The following EPM2A variants were observed in gnomAD, a reference collection of about 807,000 sequenced individuals.
EPM2A encodes the protein laforin.
In EPM2A, 21 loss-of-function variants were observed where a neutral mutation model predicts 26.5. That is an observed-to-expected ratio of 0.79 (90% CI 0.56 to 1.14). The LOEUF (loss-of-function observed/expected upper bound fraction) is 1.14. Ranked by LOEUF, EPM2A falls within the 50% of genes most tolerant of loss-of-function variation. The pLI, the probability that EPM2A is intolerant of heterozygous loss-of-function variation, is 0.00. For synonymous variants in EPM2A, 217 were observed against 177.6 expected, an observed-to-expected ratio of 1.22 and a Z score of -1.76; for missense variants, 458 against 440.8, an observed-to-expected ratio of 1.04 and a Z score of -0.35.
At chr6:145,392,102 T>C (rs553036821) in intron 4 of EPM2A, among the ~76,000 whole-genome samples, 135 of 152,310 alleles carry the variant, frequency 8.9e-4, no homozygotes, top group African/African-American at 3.1e-3. Context: ...TTTGAGATCC[T>C]GACTAAAGCT....
intron 4 of EPM2A, among the ~76,000 whole-genome samples, chr6:145,406,470 G>T (rs953872777): frequency 6.6e-6 from 1 of 152,226 alleles, no homozygotes; most frequent in African/African-American, 2.4e-5. Context: ...TAACAATTAC[G>T]TGTGAAAGTG....
At chr6:145,490,435 T>C (rs1779739554) in intron 4 of EPM2A, 1 of 752,508 alleles carries the variant, frequency 1.3e-6, no homozygotes, top group African/African-American at 1.7e-5. Flanking sequence ...TTCATGACAA[T>C]TTGGACATTC....
At chr6:145,537,511 T>G (rs1302168079) in intron 2 of EPM2A, among the ~76,000 whole-genome samples, 1 of 152,066 alleles carries the variant, frequency 6.6e-6, no homozygotes, top group Non-Finnish European at 1.5e-5. Flanking sequence ...TGTTATATAC[T>G]TCTTGGTTAT....
intron 4 of EPM2A, among the ~76,000 whole-genome samples, chr6:145,422,872 T>C (rs1313695896): frequency 1.3e-5 from 2 of 152,154 alleles, no homozygotes; most frequent in Admixed American, 6.6e-5. Flanking sequence ...TTGTTTTTAA[T>C]ATTTAATCAC....
At chr6:145,720,104 A>G (rs1775871881) in intron 1 of EPM2A, among the ~76,000 whole-genome samples, 1 of 152,192 alleles carries the variant, frequency 6.6e-6, no homozygotes, top group African/African-American at 2.4e-5. Context: ...CTAAGAGATA[A>G]TAAAACTTCT....
At chr6:145,420,855 A>AAGAG (rs34604534) in intron 4 of EPM2A, among the ~76,000 whole-genome samples, 92 of 150,606 alleles carry the variant, frequency 6.1e-4, no homozygotes, top group African/African-American at 2.2e-3. Flanking sequence ...GAGAGATAGA[A>AAGAG]AGAGAGAGAG....
At chr6:145,648,153 A>T (rs1582962697) in intron 2 of EPM2A, among the ~76,000 whole-genome samples, 1 of 152,212 alleles carries the variant, frequency 6.6e-6, no homozygotes, top group East Asian at 1.9e-4. Flanking sequence ...TCTTCTGTTA[A>T]AAATGATTAT....
chr6:145,491,457 C>T (rs1779754078), intron 4 of EPM2A, among the ~76,000 whole-genome samples: 1 of 152,160 alleles, frequency 6.6e-6, no homozygotes. Flanking sequence ...TAAAGCAACA[C>T]CATCAAGCCG....
chr6:145,516,313 T>C (rs1375546468), intron 2 of EPM2A, among the ~76,000 whole-genome samples: 1 of 152,158 alleles, frequency 6.6e-6, no homozygotes, highest in Non-Finnish European at 1.5e-5. Context: ...AAATAATTTC[T>C]AGGAAAGAAA....
chr6:145,641,678 T>G (rs1052546395), intron 2 of EPM2A, among the ~76,000 whole-genome samples: 2 of 152,190 alleles, frequency 1.3e-5, no homozygotes. Context: ...TTGGAATTCT[T>G]GCAAATACAA....
At chr6:145,622,740 A>C (rs564685916), downstream of EPM2A, among the ~76,000 whole-genome samples, 22 of 152,302 alleles carry the variant, frequency 1.4e-4, no homozygotes, top group Non-Finnish European at 2.8e-4. Flanking sequence ...CCTCAGGAGG[A>C]ACTGGCGCTG....
At chr6:145,670,878 C>G in intron 2 of EPM2A, 3 of 984,026 alleles carry the variant, frequency 3.0e-6, no homozygotes, top group African/African-American at 1.7e-5. Context: ...AACTCTCACA[C>G]GCCCAGTTAA....
In EPM2A at chr6:145,508,105, C is replaced by T. The variant is rs566682720; in HGVS notation, c.341-5530G>A. Among the ~76,000 whole-genome samples the T allele has an allele frequency of 7.9e-5, 12 of 152,332 alleles. No homozygotes were observed. In the South Asian group the frequency reaches 2.5e-3, roughly 32 times the overall value. On this transcript the variant is annotated intron_variant, in intron 2 of 3. Transcript: ENST00000450221. ...TGCCAGCCACATAAGGCAGCACCAA[C>T]AAAGCCTGGAAATGAACTTAAGAGT...
At chr6:145,436,319 T>C (rs958482083) in intron 4 of EPM2A, among the ~76,000 whole-genome samples, 1 of 152,254 alleles carries the variant, frequency 6.6e-6, no homozygotes, top group African/African-American at 2.4e-5. Flanking sequence ...GACAAGATTT[T>C]GTGTGAACGT....
At chr6:145,522,702 G>A (rs116015638) in intron 2 of EPM2A, among the ~76,000 whole-genome samples, 3,008 of 152,094 alleles carry the variant, frequency 0.02, 41 homozygotes, top group Admixed American at 0.04. Context: ...CATTGCTTCA[G>A]GATAAAATGC....
At chr6:145,389,075 G>A (rs1178689066) in intron 4 of EPM2A, among the ~76,000 whole-genome samples, 1 of 152,042 alleles carries the variant, frequency 6.6e-6, no homozygotes, top group African/African-American at 2.4e-5. Flanking sequence ...GATCCTTGAG[G>A]AATCGCCACA....
intron 2 of EPM2A, among the ~76,000 whole-genome samples, chr6:145,508,693 T>A (rs1042095238): frequency 2.0e-5 from 3 of 152,058 alleles, no homozygotes; most frequent in Admixed American, 6.5e-5. Flanking sequence ...AAATCCAGAG[T>A]GTTTTTTCAC....
chr6:145,599,943 A>G (rs1437423275), intron 2 of EPM2A, among the ~76,000 whole-genome samples: 1 of 152,088 alleles, frequency 6.6e-6, no homozygotes, highest in South Asian at 2.1e-4. Flanking sequence ...TTGGCAGATT[A>G]ATTTCTGGGC....
chr6:145,576,186 G>C (rs1781028775), intron 2 of EPM2A, among the ~76,000 whole-genome samples: 1 of 152,070 alleles, frequency 6.6e-6, no homozygotes, highest in African/African-American at 2.4e-5. Flanking sequence ...CAGGAAGATG[G>C]TCTCCTCTGG....
Sources: allele counts gnomAD v4.1 joint callset (sites outside exome capture counted in the v4.1 genomes callset), GRCh38; gene constraint gnomAD v4.1.1; transcripts MANE v1.5; gene names NCBI Gene and HGNC (gene_info 2026-07-23, HGNC 2026-07-21).